Variants in MYO6 observed in about 807,000 individuals in gnomAD.
MYO6 encodes unconventional myosin-VI.
In MYO6, 74 loss-of-function variants were observed where a neutral mutation model predicts 178.7. That is an observed-to-expected ratio of 0.41 (90% CI 0.34 to 0.50). The LOEUF (loss-of-function observed/expected upper bound fraction) is 0.50, where lower values mean the gene tolerates loss of function less well. Among genes scored for constraint, MYO6 ranks in the 20% least tolerant of loss-of-function variants. MYO6 has a pLI of 0.09. For missense variants in MYO6, 1,330 were observed against 1,547.4 expected (o/e 0.86, Z 2.36); for synonymous variants, 477 against 504.6 (o/e 0.95, Z 0.73).
chr6:75,815,793 G>A (rs994306652), intron 1 of MYO6, among the ~76,000 whole-genome samples: 21 of 152,262 alleles, frequency 1.4e-4, no homozygotes, highest in African/African-American at 5.1e-4. Context: ...ATCCACATGA[G>A]GATCCACATT....
chr6:75,793,765 C>T (rs865966161), intron 1 of MYO6, among the ~76,000 whole-genome samples: 4 of 151,998 alleles, frequency 2.6e-5, no homozygotes, highest in East Asian at 1.9e-4. Context: ...AGAATGTCTA[C>T]GTACATTTAT....
Position 75,840,626 on chromosome 6 carries a change from C to A in MYO6, c.595C>A (p.Arg199Ser). 6.2e-7 allele frequency: 1 copy of A among 1,613,800 alleles called. No individual in the cohort carries two copies. Among genetic ancestry groups the A allele is most frequent in the Non-Finnish European group, 8.5e-7 (1 of 1,179,874 alleles). The change falls in exon 8 of 35, where the codon CGC (arginine) becomes AGC (serine). Residue 199 changes from arginine to serine, a missense_variant. Arg to Ser is a moderately radical substitution (Grantham distance 110). Transcript: ENST00000369977. ...LEAFGNAKTV[R>S]NNNSSRFGKF... ...AGCCTTTGGAAATGCGAAGACTGTT[C>A]GCAACAATAATAGCAGTCGATTTGG...
intron 23 of MYO6, among the ~76,000 whole-genome samples, chr6:75,883,863 A>G (rs1778226146): frequency 6.6e-6 from 1 of 152,246 alleles, no homozygotes; most frequent in Admixed American, 6.5e-5. Flanking sequence ...GTAGAAAAGG[A>G]AAATTCTTTT....
intron 5 of MYO6, among the ~76,000 whole-genome samples, chr6:75,832,033 T>A (rs1178282844): frequency 6.6e-6 from 1 of 152,188 alleles, no homozygotes; most frequent in Non-Finnish European, 1.5e-5. Context: ...GAAATAGTTG[T>A]CTTATAGAGC....
At chr6:75,817,433 G>T in intron 1 of MYO6, 68 bp from the exon 2 acceptor site, 1 of 875,120 alleles carries the variant, frequency 1.1e-6, no homozygotes, top group Non-Finnish European at 1.9e-6. Context: ...TTTTGAAAAA[G>T]ATACATTATT....
At chr6:75,824,859 C>T (rs1325798946) in intron 3 of MYO6, among the ~76,000 whole-genome samples, 1 of 151,658 alleles carries the variant, frequency 6.6e-6, no homozygotes, top group African/African-American at 2.4e-5. Flanking sequence ...TCCCGGGTTC[C>T]AGCAATTCTT....
At position 75,805,021 on chromosome 6, in the gene MYO6, A is replaced by ATATTTTTTTTT. The variant is rs1252912172; in HGVS notation, c.-47-12479_-47-12478insATTTTTTTTTT. Reference sequence around the variant, plus strand: ...CACACACATATATATATATATATATATTTTTTTTTTTTTTTTTTTTGAGAC... The same window carrying ATATTTTTTTTT: ...CACACACATATATATATATATATATATATTTTTTTTTTTTTTTTTTTTTTTTTTTTTGAGAC... On this transcript the variant is annotated intron_variant, in intron 1 of 34. Coordinates refer to ENST00000369977, the MANE Select transcript of MYO6 (RefSeq NM_004999.4). Among the ~76,000 whole-genome samples, 71 of 77,288 alleles carry ATATTTTTTTTT rather than the reference A, an allele frequency of 9.2e-4. 1 individual carries two copies. The highest frequency in any genetic ancestry group is 2.1e-3 in the African/African-American group (21 of 9,846). The allele number at this position is 77,288 out of a possible 152,430, so 50.7% of individuals were successfully genotyped here. A position where few individuals can be genotyped will look rare whatever the true frequency, so the allele number is the denominator to read the frequency against.
At chr6:75,826,355 C>G (rs1488095007) in intron 3 of MYO6, among the ~76,000 whole-genome samples, 1 of 152,176 alleles carries the variant, frequency 6.6e-6, no homozygotes, top group Non-Finnish European at 1.5e-5. Context: ...GTTTAATAAA[C>G]ACACATCCCT....
intron 10 of MYO6, among the ~76,000 whole-genome samples, chr6:75,845,621 G>C (rs1450240669): frequency 1.3e-5 from 2 of 152,024 alleles, no homozygotes; most frequent in African/African-American, 2.4e-5. Context: ...TTGAACCCTG[G>C]AGGTGGAGGC....
chr6:75,877,822 G>T (rs1000702743), intron 20 of MYO6, among the ~76,000 whole-genome samples: 1 of 152,106 alleles, frequency 6.6e-6, no homozygotes, highest in African/African-American at 2.4e-5. Context: ...GAGTAAACTA[G>T]CTGCAAGTGC....
chr6:75,800,535 G>T (rs576485746), intron 1 of MYO6, among the ~76,000 whole-genome samples: 2 of 152,202 alleles, frequency 1.3e-5, no homozygotes, highest in Admixed American at 1.3e-4. Flanking sequence ...AAAAGAAAAA[G>T]AAATTGTCAT....
chr6:75,843,149 A>G (rs978754557), intron 9 of MYO6, among the ~76,000 whole-genome samples: 1 of 152,190 alleles, frequency 6.6e-6, no homozygotes, highest in Non-Finnish European at 1.5e-5. Flanking sequence ...TAGTGATTTC[A>G]TCAGGTTTTT....
chr6:75,913,083 A>C (rs1423494231), intron 33 of MYO6, among the ~76,000 whole-genome samples: 1 of 152,124 alleles, frequency 6.6e-6, no homozygotes, highest in Non-Finnish European at 1.5e-5. Flanking sequence ...TTTCTTTGAC[A>C]CACTTGGATT....
At chr6:75,821,850 T>C (rs1380004020) in intron 2 of MYO6, among the ~76,000 whole-genome samples, 2 of 152,196 alleles carry the variant, frequency 1.3e-5, no homozygotes, top group Non-Finnish European at 2.9e-5. Flanking sequence ...TGTTCTCTCT[T>C]ATGAGATGTT....
At chr6:75,764,056 T>C (rs1346777874) in intron 1 of MYO6, among the ~76,000 whole-genome samples, 2 of 152,158 alleles carry the variant, frequency 1.3e-5, no homozygotes, top group Non-Finnish European at 2.9e-5. Context: ...ATTTCTTTTT[T>C]TGTTTTTTAG....
intron 3 of MYO6, among the ~76,000 whole-genome samples, chr6:75,824,631 G>A (rs1400024044): frequency 1.3e-5 from 2 of 152,122 alleles, no homozygotes; most frequent in Non-Finnish European, 2.9e-5. Flanking sequence ...TTATGGTAAT[G>A]TGAAGATTAA....
chr6:75,758,647 A>G (rs1250460206), intron 1 of MYO6, among the ~76,000 whole-genome samples: 1 of 151,792 alleles, frequency 6.6e-6, no homozygotes, highest in African/African-American at 2.4e-5. Context: ...TTTAGTAGAG[A>G]TGGGGTTTCA....
intron 1 of MYO6, among the ~76,000 whole-genome samples, chr6:75,794,550 T>C (rs569238953): frequency 6.6e-6 from 1 of 152,142 alleles, no homozygotes; most frequent in South Asian, 2.1e-4. Flanking sequence ...TATATGTGTG[T>C]GTTCAATCAG....
intron 30 of MYO6, among the ~76,000 whole-genome samples, chr6:75,901,184 T>G (rs1779744731): frequency 6.6e-6 from 1 of 152,120 alleles, no homozygotes; most frequent in Non-Finnish European, 1.5e-5. Flanking sequence ...TCCAGCTTTG[T>G]TCTTTTGGCT....
Sources: gnomAD v4.1 joint callset for allele counts (sites outside exome capture counted in the v4.1 genomes callset) on GRCh38, gnomAD v4.1.1 for gene constraint, MANE v1.5 for transcripts, NCBI Gene and HGNC (gene_info 2026-07-23, HGNC 2026-07-21) for gene names.